The following MB21D2 variants were observed in gnomAD, a reference collection of about 807,000 sequenced individuals.
MB21D2 encodes Mab-21 domain containing 2, also known as nucleotidyltransferase MB21D2.
In MB21D2, 9 loss-of-function variants were observed where a neutral mutation model predicts 33.3. The ratio of observed to expected loss-of-function variants is 0.27; its 90% confidence interval spans 0.16 to 0.47. The LOEUF (loss-of-function observed/expected upper bound fraction) is 0.47, where lower values mean the gene tolerates loss of function less well. Among genes scored for constraint, MB21D2 ranks in the 20% least tolerant of loss-of-function variants. MB21D2 has a pLI of 0.99. For missense variants in MB21D2, 540 were observed against 624.6 expected (o/e 0.86, Z 1.44); for synonymous variants, 241 against 236.3 (o/e 1.02, Z -0.18).
At chr3:192,887,042 C>T (rs938750026) in intron 1 of MB21D2, among the ~76,000 whole-genome samples, 1 of 151,794 alleles carries the variant, frequency 6.6e-6, no homozygotes, top group African/African-American at 2.4e-5. Context: ...CTTCACTATA[C>T]AAACAGGGCT....
At position 192,904,513 on chromosome 3, in the gene MB21D2, C is replaced by T. The variant is rs921557723; in HGVS notation, c.211+13117G>A. Reference sequence around the variant, plus strand: ...AGTTCTATCAGCCCAGACCCTCGGCCCCGGGCCCTTGGCTGCGGTTCTTAA... The same window carrying T: ...AGTTCTATCAGCCCAGACCCTCGGCTCCGGGCCCTTGGCTGCGGTTCTTAA... On this transcript the variant is annotated intron_variant, in intron 1 of 1. Coordinates refer to ENST00000392452, the MANE Select transcript of MB21D2 (RefSeq NM_178496.4). Among the ~76,000 whole-genome samples the T allele has an allele frequency of 3.9e-5, 6 of 152,336 alleles. No homozygotes were observed. The East Asian group carries it at 1.2e-3, about 29-fold the overall frequency.
chr3:192,799,662 G>A lies in MB21D2; in HGVS notation c.212-12C>T, dbSNP rs555608756. ...CTTTTGCACCATTCCTGGAAATAAA[G>A]AAGAAAAAAACAACACTATTACAGG... On this transcript the variant is annotated splice_polypyrimidine_tract_variant and intron_variant, in intron 1 of 1. Transcript: ENST00000392452. The surrounding 1 kb of genome is among the most constrained non-coding windows in gnomAD (Gnocchi z 4.1). The A allele has an allele frequency of 2.5e-5, 40 of 1,598,790 alleles. No individual in the cohort carries two copies. The Admixed American group carries it at 3.4e-4, about 13-fold the overall frequency.
intron 1 of MB21D2, among the ~76,000 whole-genome samples, chr3:192,879,981 C>A (rs1713524494): frequency 6.6e-6 from 1 of 152,056 alleles, no homozygotes; most frequent in African/African-American, 2.4e-5. Flanking sequence ...TCTACCAGCT[C>A]CCAGGACTAC....
chr3:192,890,446 C>T (rs746945859), intron 1 of MB21D2, among the ~76,000 whole-genome samples: 1 of 151,820 alleles, frequency 6.6e-6, no homozygotes, highest in Non-Finnish European at 1.5e-5. Context: ...TAAAGAAAGC[C>T]TGGGTTTTAG....
At chr3:192,892,832 C>T (rs1713880570) in intron 1 of MB21D2, among the ~76,000 whole-genome samples, 1 of 152,096 alleles carries the variant, frequency 6.6e-6, no homozygotes, top group South Asian at 2.1e-4. Context: ...TATAATTACC[C>T]TAATGTTTCT....
chr3:192,822,053 G>C (rs75831580), intron 1 of MB21D2, among the ~76,000 whole-genome samples: 1 of 152,052 alleles, frequency 6.6e-6, no homozygotes, highest in South Asian at 2.1e-4. Context: ...ATGGAAATAC[G>C]TGATCTGATT....
At chr3:192,810,809 T>A (rs1711769015) in intron 1 of MB21D2, among the ~76,000 whole-genome samples, 1 of 152,238 alleles carries the variant, frequency 6.6e-6, no homozygotes, top group Non-Finnish European at 1.5e-5. Flanking sequence ...TTCTCATATC[T>A]AAACAAAATT....
At chr3:192,903,279 A>G (rs796831739) in intron 1 of MB21D2, among the ~76,000 whole-genome samples, 12 of 152,282 alleles carry the variant, frequency 7.9e-5, no homozygotes, top group African/African-American at 2.9e-4. Flanking sequence ...ATTCCGCCCA[A>G]AAGTAAAGGC....
chr3:192,878,850 G>C (rs1451228200), intron 1 of MB21D2, among the ~76,000 whole-genome samples: 1 of 152,222 alleles, frequency 6.6e-6, no homozygotes, highest in Non-Finnish European at 1.5e-5. Flanking sequence ...TGTAATCCCA[G>C]CTACTGGGGA....
chr3:192,912,032 T>C (rs910521320), intron 1 of MB21D2, among the ~76,000 whole-genome samples: 1 of 151,966 alleles, frequency 6.6e-6, no homozygotes, highest in African/African-American at 2.4e-5. Flanking sequence ...ACTGGAAAGG[T>C]AGGGCTTCAA....
intron 1 of MB21D2, among the ~76,000 whole-genome samples, chr3:192,816,504 T>C (rs1244094427): frequency 6.6e-6 from 1 of 152,194 alleles, no homozygotes; most frequent in African/African-American, 2.4e-5. Flanking sequence ...CTGGACTGGC[T>C]GCAACCCAAA....
chr3:192,861,560 A>G (rs1305822205), intron 1 of MB21D2, among the ~76,000 whole-genome samples: 2 of 152,174 alleles, frequency 1.3e-5, no homozygotes, highest in Non-Finnish European at 2.9e-5. Context: ...TAATCCCAGC[A>G]CTTTGGGAGG....
At chr3:192,849,023 A>G (rs183237701) in intron 1 of MB21D2, among the ~76,000 whole-genome samples, 1 of 152,146 alleles carries the variant, frequency 6.6e-6, no homozygotes, top group Non-Finnish European at 1.5e-5. Flanking sequence ...TCATCTGTCT[A>G]TTCTAATTGT....
At chr3:192,848,055 G>T (rs1285967551) in intron 1 of MB21D2, among the ~76,000 whole-genome samples, 1 of 152,188 alleles carries the variant, frequency 6.6e-6, no homozygotes, top group Admixed American at 6.5e-5. Context: ...CGGCCAAGAA[G>T]TGTTCTTCCA....
chr3:192,811,178 G>A (rs1000247899), intron 1 of MB21D2, among the ~76,000 whole-genome samples: 2 of 152,206 alleles, frequency 1.3e-5, no homozygotes, highest in Non-Finnish European at 2.9e-5. Context: ...GACTCTGTGG[G>A]CGATTCTACA....
chr3:192,868,361 C>G (rs1023303025), intron 1 of MB21D2, among the ~76,000 whole-genome samples: 5 of 152,192 alleles, frequency 3.3e-5, no homozygotes, highest in African/African-American at 1.2e-4. Flanking sequence ...GAGAGAATCT[C>G]TTTGAAAACG....
chr3:192,860,989 T>G (rs1442315670), intron 1 of MB21D2, among the ~76,000 whole-genome samples: 1 of 152,228 alleles, frequency 6.6e-6, no homozygotes, highest in East Asian at 1.9e-4. Flanking sequence ...ACGAAAAGGC[T>G]GAACACCATT....
intron 1 of MB21D2, among the ~76,000 whole-genome samples, chr3:192,850,695 C>T (rs11920093): frequency 0.019 from 2,940 of 152,302 alleles, 49 homozygotes; most frequent in African/African-American, 0.028. Flanking sequence ...AGCCCCGTCC[C>T]GTCTCCCTGC....
intron 1 of MB21D2, among the ~76,000 whole-genome samples, chr3:192,803,025 AATC>A (rs1174624774): frequency 2.0e-5 from 3 of 152,200 alleles, no homozygotes; most frequent in Admixed American, 6.5e-5. Context: ...TCGTCTATAT[AATC>A]AGGGTAACTT....
Sources: gnomAD v4.1 joint callset for allele counts (sites outside exome capture counted in the v4.1 genomes callset) on GRCh38, gnomAD v4.1.1 for gene constraint, Gnocchi (gnomAD v3.1) non-coding constraint, MANE v1.5 for transcripts, NCBI Gene and HGNC (gene_info 2026-07-23, HGNC 2026-07-21) for gene names.